Variants in ZFP57 observed in about 807,000 individuals in gnomAD.
ZFP57 encodes zinc finger protein 57 homolog.
ZFP57 carries 12 observed loss-of-function variants against 15.8 expected under a neutral mutation model. The ratio of observed to expected loss-of-function variants is 0.76; its 90% CI spans 0.49 to 1.23. The LOEUF (loss-of-function observed/expected upper bound fraction) is 1.23, where lower values mean the gene tolerates loss of function less well. ZFP57 is among the 50% of genes most tolerant of loss of function. The probability of loss-of-function intolerance (pLI) is 0.00; values close to 1 mark genes in which losing one functional copy is unlikely to be tolerated. For missense variants in ZFP57, 536 were observed against 654.9 expected, an observed-to-expected ratio of 0.82 and a Z score of 1.98; for synonymous variants, 203 against 242.3, an observed-to-expected ratio of 0.84 and a Z score of 1.51.
At chr6:29,679,901 ACAAACAAAC>A (rs1772253103) in intron 1 of ZFP57, among the ~76,000 whole-genome samples, 1 of 91,672 alleles carries the variant, frequency 1.1e-5, no homozygotes, top group African/African-American at 5.1e-5. Flanking sequence ...AAACAAACAA[ACAAACAAAC>A]AAAAAAAAAC....
intron 2 of ZFP57, among the ~76,000 whole-genome samples, chr6:29,676,610 G>C (rs1474723022): frequency 6.6e-6 from 1 of 151,712 alleles, no homozygotes; most frequent in African/African-American, 2.4e-5. Context: ...ATGTGGGGGA[G>C]AGGAAAGAGG....
In ZFP57 at chr6:29,673,551, C is replaced by A; in HGVS notation, c.560G>T (p.Arg187Leu). The change falls in exon 5 of 5, where the codon CGC becomes CTC. Residue 187 changes from arginine (R) to leucine (L), a missense_variant. By Grantham distance (102) the Arg-to-Leu change is moderately radical. Coordinates refer to ENST00000376883, the MANE Select transcript of ZFP57 (RefSeq NM_001109809.5). The surrounding 1 kb of genome is among the most constrained non-coding windows in gnomAD (Gnocchi z 4.7). ...CYTCGKCFSR[R>L]SYLYSHQFVH... The stretch of plus-strand genomic sequence containing the variant: ...AAACTGGTGGCTATAGAGGTAGGAG[C>A]GCCTGCTGAAACATTTGCCACAGGT... 1 of 1,613,006 alleles carries A rather than the reference C, an allele frequency of 6.2e-7. No individual in the cohort carries two copies. Among genetic ancestry groups the A allele is most frequent in the Middle Eastern group, 1.6e-4 (1 of 6,062 alleles).
In ZFP57 at chr6:29,672,547, T is replaced by C; in HGVS notation, c.1564A>G (p.Lys522Glu). ...ACTGCCTCCTTTGTTTTGTCTCCTTTGCAGGCCTTCTCTCTTAGGCCTCTT... is the reference window on the plus strand; with the variant it reads ...ACTGCCTCCTTTGTTTTGTCTCCTTCGCAGGCCTTCTCTCTTAGGCCTCTT... ...RRRGLREKAC[K>E]GDKTKEAVSI... is the part of the protein sequence containing the mutation. Residue 522 changes from lysine to glutamate, a missense_variant, in exon 5 of 5, where the codon AAA becomes GAA. By Grantham distance (56) the Lys-to-Glu change is moderately conservative. Transcript: ENST00000376883. 6.2e-7 allele frequency: 1 copy of C among 1,613,052 alleles called. No homozygotes were observed. Among genetic ancestry groups the C allele is most frequent in the South Asian group, 1.1e-5 (1 of 91,082 alleles).
At chr6:29,679,911 A>AAAC (rs201093893) in intron 1 of ZFP57, among the ~76,000 whole-genome samples, 26 of 53,270 alleles carry the variant, frequency 4.9e-4, no homozygotes, top group African/African-American at 1.3e-3. Flanking sequence ...ACAAACAAAC[A>AAAC]AAAAAAAACG....
rs567544440 is a variant in ZFP57, at chr6:29,673,214, G to A, written c.897C>T (p.Gly299=). Reference sequence around the variant, plus strand: ...TGGGTGTCTGGAATTCAGCCTGGGTGCCTGGAATCCTCAAAGTACACTCCT... The same window carrying A: ...TGGGTGTCTGGAATTCAGCCTGGGTACCTGGAATCCTCAAAGTACACTCCT... ...GNQECTLRIP[G]TQAEFQTPIA... The change falls in exon 5 of 5, where the codon GGC becomes GGT. Residue 299 remains glycine, a synonymous_variant. Transcript: ENST00000376883. The surrounding 1 kb of genome is among the most constrained non-coding windows in gnomAD (Gnocchi z 4.7). The A allele has an allele frequency of 1.9e-6, 3 of 1,613,040 alleles. No homozygotes were observed. The highest frequency in any genetic ancestry group is 1.7e-5 in the Admixed American group (1 of 60,022).
Position 29,673,826 on chromosome 6 carries a change from G to C in ZFP57, c.353-68C>G. ...ACTCCAACAGAGGCTTGGCATGGTG[G>C]CTCACACCTGTAATCCCAGCACTTT... On this transcript the variant is annotated intron_variant, in intron 4 of 4. Transcript: ENST00000376883. This position sits in a 1 kb window ranked among gnomAD's most constrained non-coding sequence, Gnocchi z 4.7. 6.3e-7 allele frequency: 1 copy of C among 1,589,578 alleles called. No homozygotes were observed. Among genetic ancestry groups the C allele is most frequent in the East Asian group, 2.2e-5 (1 of 44,762 alleles).
At chr6:29,675,889 G>C (rs1357306953) in intron 3 of ZFP57, 44 bp downstream of exon 3, 1 of 1,612,092 alleles carries the variant, frequency 6.2e-7, no homozygotes. Context: ...ATGTTCCAGG[G>C]CCCTTAGGAC....
chr6:29,673,272 A>G lies in ZFP57; in HGVS notation c.839T>C (p.Ile280Thr), dbSNP rs1481245261. Residue 280 changes from isoleucine (I) to threonine (T), a missense_variant, in exon 5 of 5, where the codon ATA becomes ACA. By Grantham distance (89) the Ile-to-Thr change is moderately conservative. Coordinates refer to ENST00000376883, the MANE Select transcript of ZFP57 (RefSeq NM_001109809.5). The surrounding 1 kb of genome is among the most constrained non-coding windows in gnomAD (Gnocchi z 4.7). The part of the protein sequence containing the change: ...DQSELKRHQK[I>T]HQNQEPVDGN... ...ATCCACTGGCTCCTGGTTTTGGTGT[A>G]TCTTCTGGTGGCGTTTGAGCTCAGA... is the stretch of plus-strand genomic sequence containing the variant. 1 of 1,612,924 alleles carries G rather than the reference A, an allele frequency of 6.2e-7. No individual in the cohort carries two copies. The highest frequency in any genetic ancestry group is 2.2e-5 in the East Asian group (1 of 44,892).
downstream of ZFP57, chr6:29,672,442 C>G (rs969010282): frequency 6.2e-7 from 1 of 1,605,406 alleles, no homozygotes; most frequent in Non-Finnish European, 8.5e-7. Context: ...CTCATTACCC[C>G]AGAGGTCAGT....
chr6:29,679,314 C>G (rs1179974456), intron 1 of ZFP57, among the ~76,000 whole-genome samples: 1 of 152,204 alleles, frequency 6.6e-6, no homozygotes, highest in Non-Finnish European at 1.5e-5. Flanking sequence ...CCAAAAAACC[C>G]TGTTGACTAT....
chr6:29,672,757 T>C lies in ZFP57; in HGVS notation c.1354A>G (p.Lys452Glu). 6.2e-7 allele frequency: 1 copy of C among 1,613,000 alleles called. No homozygotes were observed. The change falls in exon 5 of 5, where the codon AAA becomes GAA. Residue 452 changes from lysine (K) to glutamate (E), a missense_variant. By Grantham distance (56) the Lys-to-Glu change is moderately conservative. Coordinates refer to ENST00000376883, the MANE Select transcript of ZFP57 (RefSeq NM_001109809.5). ...CTCCAGTGATCCATAAGGCCCTCTT[T>C]CTCCCCAAAGGAGAGGTCACAGATA... is the stretch of plus-strand genomic sequence containing the variant. Reference protein sequence around the residue: ...CPICDLSFGEKEGLMDHWRGY... With the variant: ...CPICDLSFGEEEGLMDHWRGY...
chr6:29,676,749 G>T, intron 2 of ZFP57, 132 bp downstream of exon 2: 1 of 1,206,614 alleles, frequency 8.3e-7, no homozygotes, highest in Non-Finnish European at 1.2e-6. Context: ...AGGTCTTGCA[G>T]CTCCTTTTTC....
intron 2 of ZFP57, among the ~76,000 whole-genome samples, chr6:29,676,491 G>T (rs1416911887): frequency 7.0e-6 from 1 of 143,368 alleles, no homozygotes; most frequent in Non-Finnish European, 1.5e-5. Flanking sequence ...AGCCAAGATC[G>T]CGCCACCGCA....
At position 29,677,038 on chromosome 6, in the gene ZFP57, C is replaced by T. The variant is rs577462876; in HGVS notation, c.-35G>A. 3.7e-6 allele frequency: 6 copies of T among 1,613,890 alleles called. No homozygotes were observed. The highest frequency in any genetic ancestry group is 2.2e-5 in the South Asian group (2 of 91,090). ...TGTGGTGTCTCTTTCTAGCTTTATC[C>T]ACTCCTGGCCTGGTGCCCAGGCCTG... On this transcript the variant is annotated 5_prime_UTR_variant, in exon 2 of 5. Coordinates refer to ENST00000376883, the MANE Select transcript of ZFP57 (RefSeq NM_001109809.5).
chr6:29,674,909 T>G (rs1771989317), intron 4 of ZFP57, among the ~76,000 whole-genome samples: 1 of 152,066 alleles, frequency 6.6e-6, no homozygotes, highest in Non-Finnish European at 1.5e-5. Flanking sequence ...TCCCAGCACT[T>G]TGGGAGGCCG....
In ZFP57 at chr6:29,672,553, C is replaced by T. The variant is rs1222298541; in HGVS notation, c.1558G>A (p.Ala520Thr). The part of the protein sequence containing the change: ...TPRRRGLREK[A>T]CKGDKTKEAV... ...TCCTTTGTTTTGTCTCCTTTGCAGG[C>T]CTTCTCTCTTAGGCCTCTTCTCCTG... The change falls in exon 5 of 5, where the codon GCC becomes ACC. Residue 520 changes from alanine to threonine, a missense_variant. Physicochemically the swap from Ala to Thr is moderately conservative, Grantham distance 58. Transcript: ENST00000376883. 1 of 1,612,974 alleles carries T rather than the reference C, an allele frequency of 6.2e-7. No homozygotes were observed. The highest frequency in any genetic ancestry group is 8.5e-7 in the Non-Finnish European group (1 of 1,180,006).
intron 2 of ZFP57, 61 bp downstream of exon 2, chr6:29,676,820 A>G (rs1554213005): frequency 1.9e-6 from 3 of 1,603,912 alleles, no homozygotes; most frequent in Non-Finnish European, 2.6e-6. Context: ...AGGAGTATGT[A>G]TGAAAGAGCT....
In ZFP57 at chr6:29,672,802, G is replaced by A; in HGVS notation, c.1309C>T (p.Gln437Ter). 2 of 1,613,090 alleles carry A rather than the reference G, an allele frequency of 1.2e-6. No homozygotes were observed. Among genetic ancestry groups the A allele is most frequent in the South Asian group, 1.1e-5 (1 of 91,086 alleles). The change falls in exon 5 of 5, where the codon CAG becomes TAG. Residue 437 changes from glutamine to a stop codon, truncating the protein, a stop_gained. Transcript: ENST00000376883. LOFTEE classifies it low-confidence loss of function (END_TRUNC). ...CAGATAGGGCAAAGGTAGCTCTTCT[G>A]CTTCCAGTGGGTCTGCTGGTGTCTG... ...LVRHQQTHWK[Q>*]KSYLCPICDL...
At chr6:29,674,676 C>G (rs1195768898) in intron 4 of ZFP57, among the ~76,000 whole-genome samples, 1 of 152,176 alleles carries the variant, frequency 6.6e-6, no homozygotes, top group Non-Finnish European at 1.5e-5. Context: ...TGATATCTCT[C>G]TCAACTATTT....
Sources: gnomAD v4.1 joint callset for allele counts (sites outside exome capture counted in the v4.1 genomes callset) on GRCh38, gnomAD v4.1.1 for gene constraint, Gnocchi (gnomAD v3.1) non-coding constraint, MANE v1.5 for transcripts, NCBI Gene and HGNC (gene_info 2026-07-23, HGNC 2026-07-21) for gene names.